Variants in ZNF385D observed in about 807,000 individuals in gnomAD.
The protein encoded by ZNF385D is zinc finger protein 659.
A neutral mutation model predicts 35.8 loss-of-function variants in ZNF385D; 15 were observed. The ratio of observed to expected loss-of-function variants is 0.42; its 90% CI spans 0.28 to 0.64. ZNF385D has a LOEUF of 0.64. ZNF385D is among the 30% of genes least tolerant of loss of function. ZNF385D has a pLI of 0.23. For synonymous variants in ZNF385D, 212 were observed against 186.8 expected (o/e 1.13, Z -1.10); for missense variants, 474 against 494.6 (o/e 0.96, Z 0.39).
chr3:22,088,336 A>G (rs1379561737), intron 3 of ZNF385D, among the ~76,000 whole-genome samples: 4 of 152,192 alleles, frequency 2.6e-5, no homozygotes, highest in Non-Finnish European at 4.4e-5. Context: ...CTCTTCATAG[A>G]TAGCTTCAGA....
At chr3:21,595,441 C>CTATATA (rs1411253515) in intron 2 of ZNF385D, among the ~76,000 whole-genome samples, 3 of 149,114 alleles carry the variant, frequency 2.0e-5, no homozygotes, top group African/African-American at 7.4e-5. Context: ...AGTATATGTA[C>CTATATA]TATATATGTA....
At chr3:22,333,465 CTA>C (rs1695028311) in intron 2 of ZNF385D, among the ~76,000 whole-genome samples, 2 of 151,392 alleles carry the variant, frequency 1.3e-5, no homozygotes, top group African/African-American at 4.9e-5. Flanking sequence ...CATTTTTTTT[CTA>C]TCTTTTTTTC....
intron 2 of ZNF385D, among the ~76,000 whole-genome samples, chr3:22,286,413 A>G (rs904927676): frequency 3.3e-5 from 5 of 151,718 alleles, no homozygotes; most frequent in African/African-American, 1.2e-4. Flanking sequence ...TTCTGCTCTG[A>G]TCTTTCTAGT....
chr3:21,487,043 C>T (rs1007491113), intron 4 of ZNF385D, among the ~76,000 whole-genome samples: 5 of 152,036 alleles, frequency 3.3e-5, no homozygotes, highest in Admixed American at 2.6e-4. Flanking sequence ...GTATCAAAAG[C>T]AAGTTCTTAT....
At chr3:21,962,828 G>C (rs915740540) in intron 3 of ZNF385D, among the ~76,000 whole-genome samples, 1 of 152,080 alleles carries the variant, frequency 6.6e-6, no homozygotes, top group African/African-American at 2.4e-5. Flanking sequence ...ATATGTACTA[G>C]GGAAATGTTT....
intron 2 of ZNF385D, among the ~76,000 whole-genome samples, chr3:22,221,356 A>G (rs1216302394): frequency 6.6e-6 from 1 of 152,140 alleles, no homozygotes; most frequent in African/African-American, 2.4e-5. Flanking sequence ...AAAGTTATCA[A>G]TTCATGGCCA....
chr3:22,161,534 T>C (rs1705948639), intron 3 of ZNF385D, among the ~76,000 whole-genome samples: 1 of 152,026 alleles, frequency 6.6e-6, no homozygotes, highest in Non-Finnish European at 1.5e-5. Context: ...AGAGGGTGAA[T>C]CATGAGATCT....
chr3:22,097,407 G>A (rs1576314304), intron 3 of ZNF385D, among the ~76,000 whole-genome samples: 2 of 152,032 alleles, frequency 1.3e-5, no homozygotes, highest in African/African-American at 4.8e-5. Flanking sequence ...ATTCTTAGAT[G>A]GAGAAAGAGG....
In ZNF385D at chr3:21,539,850, C is replaced by A. The variant is rs891618086; in HGVS notation, c.276+24724G>T. Reference sequence around the variant, plus strand: ...AGAAATATTTTTACTACAAACACAGCATAAGAGTAATGCTGATTTTGAGCA... The same window carrying A: ...AGAAATATTTTTACTACAAACACAGAATAAGAGTAATGCTGATTTTGAGCA... On this transcript the variant is annotated intron_variant, in intron 3 of 7. Transcript: ENST00000281523. The surrounding 1 kb of genome is among the most constrained non-coding windows in gnomAD (Gnocchi z 4.0). Among the ~76,000 whole-genome samples, 5 of 151,966 alleles carry A rather than the reference C, an allele frequency of 3.3e-5. No individual in the cohort carries two copies. The highest frequency in any genetic ancestry group is 1.2e-4 in the African/African-American group (5 of 41,384).
intron 3 of ZNF385D, among the ~76,000 whole-genome samples, chr3:21,969,436 A>C (rs1219568882): frequency 6.6e-6 from 1 of 152,124 alleles, no homozygotes; most frequent in Non-Finnish European, 1.5e-5. Context: ...CTTGAGAAGG[A>C]GGTCCTAGCT....
At chr3:21,711,039 G>GGTTTTTTTTTTTTTTTTTTTTTTT (rs2068081805) in intron 1 of ZNF385D, among the ~76,000 whole-genome samples, 1 of 83,154 alleles carries the variant, frequency 1.2e-5, no homozygotes, top group African/African-American at 5.1e-5. Flanking sequence ...CCCTCTAAAA[G>GGTTTTTTTTTTTTTTTTTTTTTTT]TTTTTTTTTT....
chr3:21,610,948 G>A (rs373940298), intron 2 of ZNF385D, among the ~76,000 whole-genome samples: 9 of 152,268 alleles, frequency 5.9e-5, no homozygotes, highest in African/African-American at 1.2e-4. Context: ...TCAGTTTCCC[G>A]TGGACTGTTG....
intron 2 of ZNF385D, among the ~76,000 whole-genome samples, chr3:22,344,881 A>G (rs4858397): frequency 0.95 from 144,953 of 152,286 alleles, 69,085 homozygotes; most frequent in East Asian, 1. Flanking sequence ...TTAAACTTCA[A>G]TGTGCATGAC....
chr3:21,943,292 A>G (rs780865486), intron 3 of ZNF385D, among the ~76,000 whole-genome samples: 3 of 151,252 alleles, frequency 2.0e-5, no homozygotes, highest in Admixed American at 1.3e-4. Flanking sequence ...GTGTGTGTGT[A>G]TAGATGTGTG....
chr3:22,370,249 C>T (rs748999982), intron 2 of ZNF385D, among the ~76,000 whole-genome samples: 14 of 152,090 alleles, frequency 9.2e-5, no homozygotes, highest in Non-Finnish European at 1.0e-4. Flanking sequence ...CAGGATAACT[C>T]TATAGTCACA....
intron 3 of ZNF385D, among the ~76,000 whole-genome samples, chr3:22,101,818 G>T (rs1352666038): frequency 6.6e-6 from 1 of 151,914 alleles, no homozygotes; most frequent in Non-Finnish European, 1.5e-5. Context: ...ATCTTAGAAT[G>T]AATACAAGGT....
At chr3:22,096,408 A>G (rs1701635613) in intron 3 of ZNF385D, among the ~76,000 whole-genome samples, 1 of 152,098 alleles carries the variant, frequency 6.6e-6, no homozygotes, top group Non-Finnish European at 1.5e-5. Flanking sequence ...GGCTTCTTGA[A>G]TTATAAAATT....
intron 3 of ZNF385D, among the ~76,000 whole-genome samples, chr3:21,803,480 A>C (rs1031881340): frequency 1.3e-5 from 2 of 152,196 alleles, no homozygotes; most frequent in Non-Finnish European, 2.9e-5. Flanking sequence ...TTGTATAACT[A>C]AGCCTAAATA....
intron 3 of ZNF385D, among the ~76,000 whole-genome samples, chr3:21,785,074 C>T (rs905584485): frequency 6.6e-6 from 1 of 152,054 alleles, no homozygotes; most frequent in Non-Finnish European, 1.5e-5. Context: ...TTCACAGTGG[C>T]GTCACCCCTG....
Sources: gnomAD v4.1 joint callset for allele counts (sites outside exome capture counted in the v4.1 genomes callset) on GRCh38, gnomAD v4.1.1 for gene constraint, Gnocchi (gnomAD v3.1) non-coding constraint, MANE v1.5 for transcripts, NCBI Gene and HGNC (gene_info 2026-07-23, HGNC 2026-07-21) for gene names.